The following ATP6V0E1 variants were observed in gnomAD, a reference collection of about 807,000 sequenced individuals.
ATP6V0E1 encodes ATPase H+ transporting V0 subunit e1, also known as V-type proton ATPase subunit e 1.
In ATP6V0E1, 4 loss-of-function variants were observed where a neutral mutation model predicts 11.6. That is an observed-to-expected ratio of 0.35 (90% CI 0.17 to 0.79). The LOEUF (loss-of-function observed/expected upper bound fraction) is 0.79. Among genes scored for constraint, ATP6V0E1 ranks in the 30% least tolerant of loss-of-function variants. The pLI is 0.54. For missense variants in ATP6V0E1, 105 were observed against 100.0 expected, an observed-to-expected ratio of 1.05 and a Z score of -0.21; for synonymous variants, 36 against 34.8, an observed-to-expected ratio of 1.04 and a Z score of -0.13.
intron 2 of ATP6V0E1, among the ~76,000 whole-genome samples, chr5:173,002,604 T>A (rs757991539): frequency 3.3e-5 from 5 of 152,220 alleles, no homozygotes; most frequent in African/African-American, 4.8e-5. Flanking sequence ...CCAAGAGGGG[T>A]ACATAATGTC....
intron 2 of ATP6V0E1, among the ~76,000 whole-genome samples, chr5:172,997,394 T>TA (rs558937496): frequency 0.013 from 1,958 of 150,384 alleles, 22 homozygotes; most frequent in South Asian, 0.032. Context: ...AAATGGCTGT[T>TA]AAAAAAAAAA....
rs545181534 is a variant in ATP6V0E1, at chr5:173,000,118, C to T, written c.152+5296C>T. On this transcript the variant is annotated intron_variant, in intron 2 of 3. Coordinates refer to ENST00000519374, the MANE Select transcript of ATP6V0E1 (RefSeq NM_003945.4). ...TCAAAGTCATGTTTTGAAATGCATTCATGGACTTTTAAATTGCCTTCTGTT... is the reference window on the plus strand; with the variant it reads ...TCAAAGTCATGTTTTGAAATGCATTTATGGACTTTTAAATTGCCTTCTGTT... 5.3e-5 allele frequency among the ~76,000 whole-genome samples: 8 copies of T among 152,258 alleles called. No individual in the cohort carries two copies. The South Asian group carries it at 1.5e-3, about 28-fold the overall frequency.
At chr5:173,027,021 A>T (rs564416657) in intron 3 of ATP6V0E1, among the ~76,000 whole-genome samples, 1 of 149,740 alleles carries the variant, frequency 6.7e-6, no homozygotes, top group Non-Finnish European at 1.5e-5. Flanking sequence ...CTAAAAAAAT[A>T]CAAAAAAATT....
chr5:173,022,288 A>T (rs886866042), intron 3 of ATP6V0E1, among the ~76,000 whole-genome samples: 1 of 152,168 alleles, frequency 6.6e-6, no homozygotes, highest in African/African-American at 2.4e-5. Flanking sequence ...GAGAAACAGG[A>T]TGTCTGGCTC....
At chr5:173,018,475 A>G (rs1035937555) in intron 2 of ATP6V0E1, among the ~76,000 whole-genome samples, 2 of 152,144 alleles carry the variant, frequency 1.3e-5, no homozygotes, top group Non-Finnish European at 2.9e-5. Flanking sequence ...AGGCCCAGGC[A>G]TCCAAGTCGA....
intron 3 of ATP6V0E1, among the ~76,000 whole-genome samples, chr5:173,032,238 C>CTTTTCTTTTA (rs1756671466): frequency 8.1e-6 from 1 of 122,808 alleles, no homozygotes; most frequent in Non-Finnish European, 1.7e-5. Context: ...TGCACATTTA[C>CTTTTCTTTTA]TTTTATTTTA....
rs1226076499 is a variant in ATP6V0E1 at position 173,032,273 on chromosome 5, A to G, written c.*37-2126A>G. ...ATTTTATTTATTTATTTATTTATTTATTTATTTATTTATTTATTTATTTAT... is the reference window on the plus strand; with the variant it reads ...ATTTTATTTATTTATTTATTTATTTGTTTATTTATTTATTTATTTATTTAT... On this transcript the variant is annotated intron_variant, in intron 3 of 3. Coordinates refer to ENST00000519374, the MANE Select transcript of ATP6V0E1 (RefSeq NM_003945.4). Among the ~76,000 whole-genome samples, 3 of 146,684 alleles carry G rather than the reference A, an allele frequency of 2.0e-5. No homozygotes were observed. In the South Asian group the frequency reaches 6.3e-4, roughly 31 times the overall value.
chr5:172,995,034 A>G (rs1756044089), intron 2 of ATP6V0E1, among the ~76,000 whole-genome samples: 1 of 152,222 alleles, frequency 6.6e-6, no homozygotes, highest in African/African-American at 2.4e-5. Flanking sequence ...ATTGGCACAA[A>G]TGTTAAAGCT....
chr5:173,015,964 G>C (rs1756392189), intron 2 of ATP6V0E1, among the ~76,000 whole-genome samples: 1 of 152,092 alleles, frequency 6.6e-6, no homozygotes, highest in Non-Finnish European at 1.5e-5. Flanking sequence ...GGGCTCAAGT[G>C]ATCCACCCGC....
At chr5:173,014,355 C>A (rs948998150) in intron 2 of ATP6V0E1, among the ~76,000 whole-genome samples, 1 of 151,996 alleles carries the variant, frequency 6.6e-6, no homozygotes, top group Non-Finnish European at 1.5e-5. Context: ...CCAGCATTCC[C>A]GCTACTGGGT....
chr5:173,020,077 T>A (rs1756456657), intron 2 of ATP6V0E1, among the ~76,000 whole-genome samples, 161 bp from the exon 3 acceptor site: 1 of 152,208 alleles, frequency 6.6e-6, no homozygotes, highest in Non-Finnish European at 1.5e-5. Flanking sequence ...GGAAACATTT[T>A]GTTATCAGAC....
chr5:172,984,092 G>T (rs929800543), intron 1 of ATP6V0E1, 128 bp downstream of exon 1: 8 of 873,988 alleles, frequency 9.2e-6, no homozygotes, highest in African/African-American at 1.7e-5. Flanking sequence ...GCAGAGTCAG[G>T]CCCCCGACCC....
chr5:173,012,095 G>C (rs1003389734), intron 2 of ATP6V0E1, among the ~76,000 whole-genome samples: 3 of 148,540 alleles, frequency 2.0e-5, no homozygotes, highest in Non-Finnish European at 4.4e-5. Flanking sequence ...GCAGTGGCCC[G>C]ATCTCAGCTC....
intron 2 of ATP6V0E1, among the ~76,000 whole-genome samples, chr5:172,998,682 G>A (rs1483014311): frequency 3.3e-5 from 5 of 151,894 alleles, no homozygotes; most frequent in African/African-American, 1.2e-4. Context: ...TAGTACGATG[G>A]TTGACCATCA....
intron 3 of ATP6V0E1, chr5:173,020,787 A>G (rs891222648): frequency 1.9e-6 from 1 of 519,350 alleles, no homozygotes; most frequent in African/African-American, 1.9e-5. Context: ...CACTGCTGGG[A>G]GAGGAATGTC....
Position 173,020,353 on chromosome 5 carries a change from T to G in ATP6V0E1, c.*22T>G. On this transcript the variant is annotated 3_prime_UTR_variant, in exon 3 of 4. Transcript: ENST00000519374. ...TTGAGGAAGAAGACATGCTCTACAG[T>G]GCTCAGTCTTTGAGGTGACTATGCT... 6.4e-7 allele frequency: 1 copy of G among 1,563,930 alleles called. No individual in the cohort carries two copies. Among genetic ancestry groups the G allele is most frequent in the Non-Finnish European group, 8.8e-7 (1 of 1,134,636 alleles).
chr5:172,986,791 TTGTTTG>T (rs1755904101), intron 1 of ATP6V0E1: 1 of 435,790 alleles, frequency 2.3e-6, no homozygotes, highest in African/African-American at 2.0e-5. Context: ...GTTTGTTTGT[TTGTTTG>T]TTTGTTTTTG....
At chr5:173,012,805 A>G (rs1255939360) in intron 2 of ATP6V0E1, among the ~76,000 whole-genome samples, 1 of 152,162 alleles carries the variant, frequency 6.6e-6, no homozygotes, top group East Asian at 1.9e-4. Flanking sequence ...ATTATAAAAC[A>G]GCTAGAAGCA....
chr5:173,018,419 AGGAGGTGGAAAG>A (rs941252158), intron 2 of ATP6V0E1, among the ~76,000 whole-genome samples: 2 of 152,104 alleles, frequency 1.3e-5, no homozygotes, highest in Admixed American at 1.3e-4. Context: ...GAAGAGGTGG[AGGAGGTGGAAAG>A]GGAGGTGGAG....
Sources: gnomAD v4.1 joint callset for allele counts (sites outside exome capture counted in the v4.1 genomes callset) on GRCh38, gnomAD v4.1.1 for gene constraint, MANE v1.5 for transcripts, NCBI Gene and HGNC (gene_info 2026-07-23, HGNC 2026-07-21) for gene names.